WDR93: variants seen among roughly 807,000 people sequenced by gnomAD.
The protein encoded by WDR93 is WD repeat domain 93, also known as WD repeat-containing protein 93.
Under a neutral mutation model 82.9 loss-of-function variants are expected in WDR93, and 73 were observed. The observed-to-expected ratio is 0.88, with a 90% confidence interval of 0.73 to 1.07. The LOEUF (loss-of-function observed/expected upper bound fraction) is 1.07. Ranked by LOEUF, WDR93 falls within the 50% of genes least tolerant of loss-of-function variation. The pLI, the probability that WDR93 is intolerant of heterozygous loss-of-function variation, is 0.00. For missense variants in WDR93, 738 were observed against 826.0 expected (o/e 0.89, Z 1.31); for synonymous variants, 283 against 300.1 (o/e 0.94, Z 0.59).
At chr15:89,695,941 T>C (rs991020774) in intron 1 of WDR93, among the ~76,000 whole-genome samples, 1 of 151,178 alleles carries the variant, frequency 6.6e-6, no homozygotes, top group Non-Finnish European at 1.5e-5. Flanking sequence ...CTCAGCCTCC[T>C]GAGTAGCTGG....
At chr15:89,703,200 A>C in intron 3 of WDR93, 58 bp downstream of exon 3, 1 of 1,588,998 alleles carries the variant, frequency 6.3e-7, no homozygotes. Flanking sequence ...GACTGTTGTC[A>C]ATTTAATCTC....
At chr15:89,731,284 G>A (rs946457950) in intron 11 of WDR93, among the ~76,000 whole-genome samples, 159 bp from the exon 12 acceptor site, 1 of 152,186 alleles carries the variant, frequency 6.6e-6, no homozygotes, top group African/African-American at 2.4e-5. Context: ...AAGGAGAATA[G>A]CACTTCATAA....
intron 1 of WDR93, among the ~76,000 whole-genome samples, chr15:89,696,411 A>G (rs981968455): frequency 2.0e-5 from 3 of 152,126 alleles, no homozygotes; most frequent in African/African-American, 7.2e-5. Context: ...ATTGTTTCCC[A>G]TTTTTGACAA....
chr15:89,740,585 T>C (rs1417689318), intron 16 of WDR93, among the ~76,000 whole-genome samples: 2 of 152,288 alleles, frequency 1.3e-5, no homozygotes, highest in East Asian at 3.9e-4. Flanking sequence ...CACTGCAACC[T>C]CTGCCTCCCG....
chr15:89,741,062 C>T (rs1162671055), intron 16 of WDR93, among the ~76,000 whole-genome samples: 1 of 152,036 alleles, frequency 6.6e-6, no homozygotes, highest in African/African-American at 2.4e-5. Context: ...ATTGCTTGAA[C>T]TCAGGAGGTG....
intron 14 of WDR93, among the ~76,000 whole-genome samples, chr15:89,736,618 AAAGT>A (rs1386407954): frequency 1.3e-5 from 2 of 152,014 alleles, no homozygotes; most frequent in Admixed American, 6.6e-5. Context: ...GAGTCTAAAG[AAAGT>A]GAGAGCAGTG....
chr15:89,714,689 C>A (rs187985811), intron 5 of WDR93, among the ~76,000 whole-genome samples: 1 of 152,098 alleles, frequency 6.6e-6, no homozygotes, highest in Non-Finnish European at 1.5e-5. Context: ...CTGGGCAGAA[C>A]AATTTGGTTA....
chr15:89,728,325 C>G (rs1008172532), intron 9 of WDR93, among the ~76,000 whole-genome samples: 1 of 152,162 alleles, frequency 6.6e-6, no homozygotes, highest in South Asian at 2.1e-4. Flanking sequence ...GGAATTAGGT[C>G]TCCTCATAGC....
chr15:89,726,471 G>A lies in WDR93; in HGVS notation c.881-686G>A, dbSNP rs148917781. On this transcript the variant is annotated intron_variant, in intron 8 of 16. Transcript: ENST00000268130. ...AGAAAATTATGCAGTTGTCTCTGAG[G>A]AAGCAGTCAAGGGCACTGTGGAATC... Among the ~76,000 whole-genome samples the A allele has an allele frequency of 2.1e-3, 318 of 152,334 alleles. 1 individual carries two copies. Among genetic ancestry groups the A allele is most frequent in the Non-Finnish European group, 3.8e-3 (259 of 68,026 alleles).
At chr15:89,733,407 T>G (rs1338902497) in intron 13 of WDR93, among the ~76,000 whole-genome samples, 188 bp downstream of exon 13, 5 of 152,216 alleles carry the variant, frequency 3.3e-5, no homozygotes, top group African/African-American at 4.8e-5. Context: ...AATTGTATGA[T>G]AGCACAGATG....
intron 4 of WDR93, among the ~76,000 whole-genome samples, chr15:89,707,676 T>C (rs1368951648): frequency 6.6e-6 from 1 of 152,118 alleles, no homozygotes; most frequent in Non-Finnish European, 1.5e-5. Context: ...TATGCAACAA[T>C]TGGAACTCTT....
At position 89,731,571 on chromosome 15, in the gene WDR93, T is replaced by TCCC; in HGVS notation, c.1330+10_1330+12dup. 1 of 1,613,900 alleles carries TCCC rather than the reference T, an allele frequency of 6.2e-7. No individual in the cohort carries two copies. Among genetic ancestry groups the TCCC allele is most frequent in the Non-Finnish European group, 8.5e-7 (1 of 1,179,968 alleles). The stretch of plus-strand genomic sequence containing the variant: ...GTGGGACCTGGCCAAAGGTAAGTCC[T>TCCC]CCCTGCCTCTCTACCTAGTACCTGG... On this transcript the variant is annotated intron_variant, in intron 12 of 16. Coordinates refer to ENST00000268130, the MANE Select transcript of WDR93 (RefSeq NM_020212.2).
At chr15:89,730,446 A>G (rs926225537) in intron 11 of WDR93, among the ~76,000 whole-genome samples, 1 of 152,046 alleles carries the variant, frequency 6.6e-6, no homozygotes. Context: ...TCACACCCCA[A>G]CCCACTTTTC....
intron 4 of WDR93, 118 bp downstream of exon 4, chr15:89,705,736 C>A: frequency 1.4e-6 from 1 of 711,948 alleles, no homozygotes; most frequent in Non-Finnish European, 2.5e-6. Context: ...ACCTCCATGG[C>A]CAGAGAGCCT....
rs60829285 is a variant in WDR93, at chr15:89,723,199, C to CATAAATAA, written c.880+1095_880+1102dup. Among the ~76,000 whole-genome samples the CATAAATAA allele has an allele frequency of 5.8e-3, 840 of 143,654 alleles. 8 individuals are homozygous for CATAAATAA. Among genetic ancestry groups the CATAAATAA allele is most frequent in the Middle Eastern group, 7.1e-3 (2 of 282 alleles). The allele number at this position is 143,654 out of a possible 152,430, so 94.2% of individuals were successfully genotyped here. On this transcript the variant is annotated intron_variant, in intron 8 of 16. Transcript: ENST00000268130. ...CTGGGAGATGGGAGTGAAACCGCGTCATAAATAAATAAATAAATAAATAAA... is the reference window on the plus strand; with the variant it reads ...CTGGGAGATGGGAGTGAAACCGCGTCATAAATAAATAAATAAATAAATAAATAAATAAA...
At chr15:89,743,179 G>GT in intron 16 of WDR93, 113 bp from the exon 17 acceptor site, 1 of 1,009,300 alleles carries the variant, frequency 9.9e-7, no homozygotes, top group Non-Finnish European at 1.5e-6. Context: ...CGATGCAGGT[G>GT]TGTCCTCTTA....
In WDR93 at chr15:89,697,929, G is replaced by A. The variant is rs1965265190; in HGVS notation, c.-40-3778G>A. Among the ~76,000 whole-genome samples, 4 of 149,122 alleles carry A rather than the reference G, an allele frequency of 2.7e-5. No homozygotes were observed. The South Asian group carries it at 8.5e-4, about 32-fold the overall frequency. On this transcript the variant is annotated intron_variant, in intron 1 of 16. Transcript: ENST00000268130. Reference sequence around the variant, plus strand: ...GAGTCTCTCTCTGTCGCCCAGGCTGGAGTGCAGTGGTGCAATCTCGGCTCA... The same window carrying A: ...GAGTCTCTCTCTGTCGCCCAGGCTGAAGTGCAGTGGTGCAATCTCGGCTCA...
intron 1 of WDR93, among the ~76,000 whole-genome samples, chr15:89,697,182 C>G (rs918700570): frequency 2.6e-5 from 4 of 152,146 alleles, no homozygotes; most frequent in African/African-American, 9.7e-5. Context: ...TGGTGTCAGA[C>G]TCCTGGCCTC....
chr15:89,729,155 C>A, intron 10 of WDR93, 62 bp downstream of exon 10: 2 of 1,455,100 alleles, frequency 1.4e-6, no homozygotes, highest in Non-Finnish European at 9.7e-7. Flanking sequence ...AACCCCTCAG[C>A]AAGCCCCCAC....
Sources: gnomAD v4.1 joint callset for allele counts (sites outside exome capture counted in the v4.1 genomes callset) on GRCh38, gnomAD v4.1.1 for gene constraint, MANE v1.5 for transcripts, NCBI Gene and HGNC (gene_info 2026-07-23, HGNC 2026-07-21) for gene names.